The following TP63 variants were observed in gnomAD, a reference collection of about 807,000 sequenced individuals.
The protein encoded by TP63 is tumor protein 63.
Under a neutral mutation model 82.8 loss-of-function variants are expected in TP63, and 17 were observed. The observed-to-expected ratio is 0.21, with a 90% CI of 0.14 to 0.31. TP63 has a LOEUF of 0.31. TP63 is among the 10% of genes least tolerant of loss of function. The pLI is 1.00. For synonymous variants in TP63, 330 were observed against 321.7 expected (o/e 1.03, Z -0.28); for missense variants, 648 against 895.3 (o/e 0.72, Z 3.52).
chr3:189,617,649 A>G, the TP63 span, among the ~76,000 whole-genome samples: 1 of 152,212 alleles, frequency 6.6e-6, no homozygotes, highest in African/African-American at 2.4e-5. Flanking sequence ...TAATGATGGC[A>G]TTAACATCTA....
rs192171922 is a variant in TP63 at position 189,791,661 on chromosome 3, T to C, written c.325-16611T>C. Among the ~76,000 whole-genome samples the C allele has an allele frequency of 4.7e-3, 709 of 152,274 alleles. 6 individuals are homozygous for C. The highest frequency in any genetic ancestry group is 0.016 in the African/African-American group (683 of 41,570). ...CCCTACCTTTCTATGTCTTTTTGCA[T>C]GTTGCCTGCATGACTTTCATATCCT... On this transcript the variant is annotated intron_variant, in intron 3 of 13. Coordinates refer to ENST00000264731, the MANE Select transcript of TP63 (RefSeq NM_003722.5).
intron 1 of TP63, among the ~76,000 whole-genome samples, chr3:189,705,104 A>G (rs865973135): frequency 8.5e-5 from 13 of 152,352 alleles, no homozygotes; most frequent in Middle Eastern, 3.4e-3. Flanking sequence ...GTCATCATTA[A>G]AAATCCAATT....
intron 3 of TP63, among the ~76,000 whole-genome samples, chr3:189,805,848 G>A (rs1033110247): frequency 1.3e-5 from 2 of 152,132 alleles, no homozygotes; most frequent in Non-Finnish European, 2.9e-5. Flanking sequence ...GGGAGACTGA[G>A]GAAATGTTGC....
At chr3:189,760,015 C>T (rs962762155) in intron 3 of TP63, among the ~76,000 whole-genome samples, 2 of 152,174 alleles carry the variant, frequency 1.3e-5, no homozygotes, top group African/African-American at 4.8e-5. Flanking sequence ...GACCCATTCA[C>T]TATCACAAAA....
intron 4 of TP63, among the ~76,000 whole-genome samples, chr3:189,812,625 C>T (rs575739497): frequency 2.0e-5 from 3 of 152,262 alleles, no homozygotes; most frequent in African/African-American, 7.2e-5. Flanking sequence ...CTCTCTAAAC[C>T]TCACTTTTCT....
chr3:189,854,545 G>A (rs1388419230), intron 4 of TP63, among the ~76,000 whole-genome samples: 1 of 151,970 alleles, frequency 6.6e-6, no homozygotes, highest in African/African-American at 2.4e-5. Flanking sequence ...TCCTAAGTTT[G>A]TATTAAAATA....
At chr3:189,886,170 C>T (rs913623941) in intron 10 of TP63, among the ~76,000 whole-genome samples, 1 of 152,204 alleles carries the variant, frequency 6.6e-6, no homozygotes, top group Non-Finnish European at 1.5e-5. Context: ...GCACTCTGCA[C>T]ATTCAGGAAA....
the TP63 span, among the ~76,000 whole-genome samples, chr3:189,598,453 A>G: frequency 1.3e-5 from 2 of 152,216 alleles, no homozygotes; most frequent in Non-Finnish European, 1.5e-5. Flanking sequence ...AAAACACGTA[A>G]TAAAACATGA....
intron 9 of TP63, among the ~76,000 whole-genome samples, chr3:189,872,366 A>T (rs1362950113): frequency 6.6e-6 from 1 of 151,672 alleles, no homozygotes; most frequent in African/African-American, 2.4e-5. Context: ...GTGGCCAATT[A>T]GCCTTATAAC....
In TP63 at chr3:189,648,389, A is replaced by G. The variant is rs1274625071; in HGVS notation, c.62+16812A>G. Among the ~76,000 whole-genome samples the G allele has an allele frequency of 7.5e-5, 11 of 147,234 alleles. 1 individual carries two copies. The highest frequency in any genetic ancestry group is 2.5e-4 in the African/African-American group (10 of 39,288). ...TTGGAAAGTAAGCTCCATGGAGGAC[A>G]GACATTTGTCTACTTTGTGCCCCAA... is the stretch of plus-strand genomic sequence containing the variant. On this transcript the variant is annotated intron_variant, in intron 1 of 13. Transcript: ENST00000264731.
At chr3:189,766,587 C>CA (rs1405695784) in intron 3 of TP63, among the ~76,000 whole-genome samples, 9 of 152,208 alleles carry the variant, frequency 5.9e-5, no homozygotes, top group African/African-American at 2.2e-4. Flanking sequence ...GCAAGCCCTG[C>CA]AGGCAGTGTT....
At chr3:189,664,297 A>G (rs1714184841) in intron 1 of TP63, among the ~76,000 whole-genome samples, 1 of 152,184 alleles carries the variant, frequency 6.6e-6, no homozygotes. Context: ...CTATCTCGTT[A>G]CTAAAATCTT....
intron 4 of TP63, among the ~76,000 whole-genome samples, chr3:189,846,172 T>G (rs560564919): frequency 1.3e-5 from 2 of 152,190 alleles, no homozygotes; most frequent in Admixed American, 1.3e-4. Context: ...GGAGCTGAAT[T>G]TACTTGTTTT....
chr3:189,723,812 T>C (rs1359602158), intron 1 of TP63, among the ~76,000 whole-genome samples: 4 of 152,230 alleles, frequency 2.6e-5, no homozygotes, highest in African/African-American at 7.2e-5. Flanking sequence ...GAACATATAC[T>C]TGTTAGATAG....
At chr3:189,886,294 T>C in intron 10 of TP63, 100 bp from the exon 11 acceptor site, 2 of 1,321,274 alleles carry the variant, frequency 1.5e-6, no homozygotes. Context: ...TTCAAATGTT[T>C]GGTTTGAGGC....
intron 3 of TP63, among the ~76,000 whole-genome samples, chr3:189,771,689 G>C (rs1407871989): frequency 1.3e-5 from 2 of 151,622 alleles, no homozygotes; most frequent in Non-Finnish European, 2.9e-5. Context: ...ACTCATGATT[G>C]AATAGTCTTG....
chr3:189,696,491 A>T (rs1031680969), intron 1 of TP63, among the ~76,000 whole-genome samples: 4 of 152,222 alleles, frequency 2.6e-5, no homozygotes, highest in Non-Finnish European at 5.9e-5. Context: ...AATTATGAAT[A>T]AAACTGCTAT....
At chr3:189,845,732 C>A (rs1714774765) in intron 4 of TP63, among the ~76,000 whole-genome samples, 1 of 146,614 alleles carries the variant, frequency 6.8e-6, no homozygotes, top group Non-Finnish European at 1.5e-5. Context: ...ATCTAGTTGC[C>A]TTCCTTGAAG....
chr3:189,651,390 A>G (rs1270139956), intron 1 of TP63, among the ~76,000 whole-genome samples: 1 of 146,144 alleles, frequency 6.8e-6, no homozygotes, highest in African/African-American at 2.6e-5. Flanking sequence ...TTCTAAAAAT[A>G]CGAAAATTAG....
Sources: allele counts gnomAD v4.1 joint callset (sites outside exome capture counted in the v4.1 genomes callset), GRCh38; gene constraint gnomAD v4.1.1; transcripts MANE v1.5; gene names NCBI Gene and HGNC (gene_info 2026-07-23, HGNC 2026-07-21).